The following DCP2 variants were observed in gnomAD, a reference collection of about 807,000 sequenced individuals.
DCP2 encodes m7GpppN-mRNA hydrolase.
A neutral mutation model predicts 56.1 loss-of-function variants in DCP2; 30 were observed. The observed-to-expected ratio is 0.53, with a 90% confidence interval of 0.40 to 0.73. The LOEUF is 0.73. Ranked by LOEUF, DCP2 falls within the 30% of genes least tolerant of loss-of-function variation. The pLI is 0.00. For missense variants in DCP2, 533 were observed against 502.7 expected (o/e 1.06, Z -0.58); for synonymous variants, 197 against 163.3 (o/e 1.21, Z -1.57).
intron 2 of DCP2, among the ~76,000 whole-genome samples, chr5:112,986,287 CA>C (rs1748283559): frequency 6.6e-6 from 1 of 151,926 alleles, no homozygotes; most frequent in Non-Finnish European, 1.5e-5. Flanking sequence ...TGCATGTAAC[CA>C]GATGATCTTT....
chr5:113,016,713 T>G lies in DCP2; in HGVS notation c.*3229T>G, dbSNP rs761794088. On this transcript the variant is annotated 3_prime_UTR_variant, in exon 11 of 11. Transcript: ENST00000389063. ...TGTGCATTAAAAACATTTCACTACCTATTCTCTCATGGACTTCTCATCCTT... is the reference window on the plus strand; with the variant it reads ...TGTGCATTAAAAACATTTCACTACCGATTCTCTCATGGACTTCTCATCCTT... 6.6e-6 allele frequency: 1 copy of G among 152,200 alleles called. No homozygotes were observed. The highest frequency in any genetic ancestry group is 1.9e-4 in the East Asian group (1 of 5,204). The allele number at this position is 152,200 out of a possible 1,614,324, so 9.4% of individuals were successfully genotyped here.
At chr5:112,997,330 G>C (rs1437661365) in intron 4 of DCP2, among the ~76,000 whole-genome samples, 1 of 152,224 alleles carries the variant, frequency 6.6e-6, no homozygotes, top group East Asian at 1.9e-4. Context: ...GTGATTTGTG[G>C]TGAAACATCA....
intron 1 of DCP2, among the ~76,000 whole-genome samples, chr5:112,979,867 G>A (rs1312632042): frequency 6.6e-6 from 1 of 152,110 alleles, no homozygotes; most frequent in Non-Finnish European, 1.5e-5. Flanking sequence ...TAGTCCCTTG[G>A]TGCCTTTTGT....
At chr5:112,980,026 T>G (rs1209594232) in intron 1 of DCP2, among the ~76,000 whole-genome samples, 1 of 152,208 alleles carries the variant, frequency 6.6e-6, no homozygotes, top group African/African-American at 2.4e-5. Context: ...TCTTAAAATA[T>G]TCTAGTGAAC....
intron 1 of DCP2, among the ~76,000 whole-genome samples, chr5:112,982,873 T>C (rs949252592): frequency 2.0e-5 from 3 of 152,250 alleles, no homozygotes; most frequent in Non-Finnish European, 4.4e-5. Flanking sequence ...TAGGTGATTT[T>C]TGGATGCCTT....
chr5:112,989,256 G>C (rs959992897), intron 2 of DCP2, among the ~76,000 whole-genome samples: 1 of 152,136 alleles, frequency 6.6e-6, no homozygotes, highest in Non-Finnish European at 1.5e-5. Context: ...GAAAATCTTG[G>C]GTAGGTTATT....
At chr5:112,999,980 G>C (rs1046756566) in intron 4 of DCP2, among the ~76,000 whole-genome samples, 22 of 143,506 alleles carry the variant, frequency 1.5e-4, no homozygotes, top group African/African-American at 5.4e-4. Flanking sequence ...AGAATTGCTT[G>C]AAACTGGGAG....
chr5:113,011,138 ACT>A (rs1749665197), intron 10 of DCP2, among the ~76,000 whole-genome samples: 1 of 152,102 alleles, frequency 6.6e-6, no homozygotes, highest in South Asian at 2.1e-4. Flanking sequence ...AGGAAACCTC[ACT>A]CTCAGATCTA....
chr5:112,997,760 G>T (rs186035547), intron 4 of DCP2, among the ~76,000 whole-genome samples: 4 of 151,728 alleles, frequency 2.6e-5, no homozygotes, highest in Non-Finnish European at 5.9e-5. Context: ...GATTACAGGC[G>T]CACGCCACCA....
chr5:112,992,898 T>G, intron 4 of DCP2, 128 bp downstream of exon 4: 1 of 457,338 alleles, frequency 2.2e-6, no homozygotes, highest in Non-Finnish European at 3.5e-6. Context: ...ATGAAGTAAC[T>G]TACTTTTTTT....
At chr5:112,979,835 T>C (rs991472901) in intron 1 of DCP2, among the ~76,000 whole-genome samples, 1 of 152,212 alleles carries the variant, frequency 6.6e-6, no homozygotes, top group African/African-American at 2.4e-5. Context: ...ATGTACACAG[T>C]ATACTGAGTG....
intron 1 of DCP2, 109 bp from the exon 2 acceptor site, chr5:112,985,726 C>T: frequency 7.8e-7 from 1 of 1,276,838 alleles, no homozygotes; most frequent in South Asian, 1.4e-5. Flanking sequence ...CAGTACTGCT[C>T]TTGGTCCCTT....
At chr5:112,978,655 G>A (rs368033424) in intron 1 of DCP2, among the ~76,000 whole-genome samples, 1 of 149,750 alleles carries the variant, frequency 6.7e-6, no homozygotes, top group African/African-American at 2.5e-5. Context: ...ATGAACCACT[G>A]AAAAGGCATT....
intron 2 of DCP2, among the ~76,000 whole-genome samples, chr5:112,990,541 C>T (rs1463020956): frequency 1.3e-5 from 2 of 152,068 alleles, no homozygotes; most frequent in Non-Finnish European, 2.9e-5. Context: ...TCCAAGCTTT[C>T]ATCTTTTTTT....
Position 113,013,591 on chromosome 5 carries a change from G to A in DCP2, c.*107G>A. 2 of 1,333,722 alleles carry A rather than the reference G, an allele frequency of 1.5e-6. No homozygotes were observed. The highest frequency in any genetic ancestry group is 2.1e-6 in the Non-Finnish European group (2 of 973,252). The allele number at this position is 1,333,722 out of a possible 1,614,324, so 82.6% of individuals were successfully genotyped here. On this transcript the variant is annotated 3_prime_UTR_variant, in exon 11 of 11. Coordinates refer to ENST00000389063, the MANE Select transcript of DCP2 (RefSeq NM_152624.6). ...CAGGTGTTTTAAAGAAATGCAGGGA[G>A]GCAATGTTTCTGAAGACATTTTCTG...
At chr5:112,988,363 G>A (rs28556920) in intron 2 of DCP2, among the ~76,000 whole-genome samples, 9,312 of 151,198 alleles carry the variant, frequency 0.062, 406 homozygotes, top group South Asian at 0.16. Context: ...GTGGTGGCGG[G>A]CGCTTGTAGT....
At position 113,017,405 on chromosome 5, in the gene DCP2, G is replaced by C. The variant is rs1219304435; in HGVS notation, c.*3921G>C. 2 of 152,212 alleles carry C rather than the reference G, an allele frequency of 1.3e-5. No individual in the cohort carries two copies. Among genetic ancestry groups the C allele is most frequent in the Admixed American group, 1.3e-4 (2 of 15,286 alleles). 9.4% of individuals were successfully genotyped at this position (152,212 alleles called of 1,614,324 possible). ...ACAGTACTCCTGACAGCTTGGTAAA[G>C]TCTAGGTAGAGTTTCTGATTTTGTA... On this transcript the variant is annotated 3_prime_UTR_variant, in exon 11 of 11. Coordinates refer to ENST00000389063, the MANE Select transcript of DCP2 (RefSeq NM_152624.6).
intron 8 of DCP2, among the ~76,000 whole-genome samples, chr5:113,004,565 TAACA>T (rs949868356): frequency 1.3e-5 from 2 of 152,234 alleles, no homozygotes; most frequent in African/African-American, 4.8e-5. Flanking sequence ...TTTGGGGCTT[TAACA>T]AACAGTGCTG....
At chr5:112,986,498 T>TG (rs1198542953) in intron 2 of DCP2, among the ~76,000 whole-genome samples, 1 of 151,822 alleles carries the variant, frequency 6.6e-6, no homozygotes, top group African/African-American at 2.4e-5. Flanking sequence ...CCATTCCTGC[T>TG]AATTTTTTTT....
Sources: allele counts gnomAD v4.1 joint callset (sites outside exome capture counted in the v4.1 genomes callset), GRCh38; gene constraint gnomAD v4.1.1; transcripts MANE v1.5; gene names NCBI Gene and HGNC (gene_info 2026-07-23, HGNC 2026-07-21).